Variants in CUL7 observed in about 807,000 individuals in gnomAD.
CUL7 encodes the protein cullin 7.
CUL7 carries 96 observed loss-of-function variants against 177.7 expected under a neutral mutation model. The ratio of observed to expected loss-of-function variants is 0.54; its 90% CI spans 0.46 to 0.64. CUL7 has a LOEUF of 0.64. Ranked by LOEUF, CUL7 falls within the 30% of genes least tolerant of loss-of-function variation. The pLI is 0.00. For missense variants in CUL7, 1,893 were observed against 2,187.9 expected, an observed-to-expected ratio of 0.87 and a Z score of 2.69; for synonymous variants, 824 against 890.2, an observed-to-expected ratio of 0.93 and a Z score of 1.32.
chr6:43,051,408 C>T lies in CUL7; in HGVS notation c.793G>A (p.Asp265Asn). The change falls in exon 4 of 26, where the codon GAT (aspartate) becomes AAT (asparagine). Residue 265 changes from aspartate to asparagine, a missense_variant. By Grantham distance (23) the Asp-to-Asn change is conservative. This residue lies in a region of CUL7 where 653 missense variants were observed against 725.2 expected (regional missense o/e 0.90). Coordinates refer to ENST00000265348, the MANE Select transcript of CUL7 (RefSeq NM_014780.5). The surrounding 1 kb of genome is among the most constrained non-coding windows in gnomAD (Gnocchi z 5.0). The stretch of plus-strand genomic sequence containing the variant: ...TCCGCAGCACTGTCGTTCAGCTGAT[C>T]CAGGAGCGAGGTGACATGCAAATAC... The part of the protein sequence containing the change: ...KRYLHVTSLL[D>N]QLNDSAAEPG... The T allele has an allele frequency of 3.1e-6, 5 of 1,614,126 alleles. No homozygotes were observed. Among genetic ancestry groups the T allele is most frequent in the Non-Finnish European group, 4.2e-6 (5 of 1,180,024 alleles).
chr6:43,044,958 A>G, intron 15 of CUL7, 73 bp from the exon 16 acceptor site: 1 of 1,585,760 alleles, frequency 6.3e-7, no homozygotes, highest in South Asian at 1.1e-5. Flanking sequence ...ACCCTTCCTA[A>G]GACTGCCAGC....
At position 43,051,279 on chromosome 6, in the gene CUL7, C is replaced by T. The variant is rs1064795325; in HGVS notation, c.922G>A (p.Val308Met). The change falls in exon 4 of 26, where the codon GTG becomes ATG. Residue 308 changes from valine to methionine, a missense_variant. By Grantham distance (21) the Val-to-Met change is conservative. This residue lies in a region of CUL7 where 653 missense variants were observed against 725.2 expected (regional missense o/e 0.90). Coordinates refer to ENST00000265348, the MANE Select transcript of CUL7 (RefSeq NM_014780.5). This position sits in a 1 kb window ranked among gnomAD's most constrained non-coding sequence, Gnocchi z 5.0. ...GCCTGGTCCCAGCGCATGGCTTGCA[C>T]CAGCTCCGAGATCAGGGTGCCCATG... Reference protein sequence around the residue: ...MAMGTLISELVQAMRWDQASD... With the variant: ...MAMGTLISELMQAMRWDQASD... The T allele has an allele frequency of 2.5e-6, 4 of 1,611,156 alleles. No individual in the cohort carries two copies. The highest frequency in any genetic ancestry group is 2.2e-5 in the East Asian group (1 of 44,810).
At position 43,052,752 on chromosome 6, in the gene CUL7, G is replaced by A. The variant is rs1199046855; in HGVS notation, c.37C>T (p.Pro13Ser). 4 of 1,609,628 alleles carry A rather than the reference G, an allele frequency of 2.5e-6. No individual in the cohort carries two copies. The highest frequency in any genetic ancestry group is 1.1e-5 in the South Asian group (1 of 91,080). The change falls in exon 2 of 26, where the codon CCC (proline) becomes TCC (serine). Residue 13 changes from proline (P) to serine (S), a missense_variant. Coordinates refer to ENST00000265348, the MANE Select transcript of CUL7 (RefSeq NM_014780.5). The surrounding 1 kb of genome is among the most constrained non-coding windows in gnomAD (Gnocchi z 4.5). ...GELRYREFRV[P>S]LGPGLHAYPD... is the part of the protein sequence containing the mutation. ...TAGGCATGTAAGCCGGGCCCCAGGG[G>A]CACCCTGAATTCCCTGTAGCGGAGT...
intron 19 of CUL7, 140 bp from the exon 20 acceptor site, chr6:43,041,215 T>C (rs1763390171): frequency 2.7e-6 from 2 of 742,352 alleles, no homozygotes; most frequent in Non-Finnish European, 4.8e-6. Context: ...AACTATTTTA[T>C]AAGATCATTA....
chr6:43,043,206 G>C lies in CUL7; in HGVS notation c.3356-26C>G. 1 of 1,580,964 alleles carries C rather than the reference G, an allele frequency of 6.3e-7. No individual in the cohort carries two copies. The highest frequency in any genetic ancestry group is 8.7e-7 in the Non-Finnish European group (1 of 1,151,366). On this transcript the variant is annotated intron_variant, in intron 17 of 25. Transcript: ENST00000265348. The surrounding 1 kb of genome is among the most constrained non-coding windows in gnomAD (Gnocchi z 4.2). ...CTGTAGAGACCAAGAAAGTGGCAGAGGCAAGGAGGGTGCAGCCCCTCCACT... is the reference window on the plus strand; with the variant it reads ...CTGTAGAGACCAAGAAAGTGGCAGACGCAAGGAGGGTGCAGCCCCTCCACT...
At position 43,045,768 on chromosome 6, in the gene CUL7, C is replaced by T; in HGVS notation, c.2767-86G>A. On this transcript the variant is annotated intron_variant, in intron 13 of 25. Coordinates refer to ENST00000265348, the MANE Select transcript of CUL7 (RefSeq NM_014780.5). The surrounding 1 kb of genome is among the most constrained non-coding windows in gnomAD (Gnocchi z 4.8). ...TCCAGTCCCCTCACTGTTTCCCTCC[C>T]TTCCCCAGCCCTGGGATGTGTAGGG... The T allele has an allele frequency of 2.1e-6, 3 of 1,452,966 alleles. No homozygotes were observed. Among genetic ancestry groups the T allele is most frequent in the Admixed American group, 1.7e-5 (1 of 57,282 alleles). The allele number at this position is 1,452,966 out of a possible 1,614,324, so 90.0% of individuals were successfully genotyped here. A position where few individuals can be genotyped will look rare whatever the true frequency, so the allele number is the denominator to read the frequency against.
rs28666838 is a variant in CUL7, at chr6:43,050,420, A to G, written c.1234-22T>C. Reference sequence around the variant, plus strand: ...ATACCTGGAGCATAGGGAAAGAAAGAGGGAAGGGGAAGGGAGGACTCACAA... The same window carrying G: ...ATACCTGGAGCATAGGGAAAGAAAGGGGGAAGGGGAAGGGAGGACTCACAA... On this transcript the variant is annotated intron_variant, in intron 4 of 25. Transcript: ENST00000265348. This position sits in a 1 kb window ranked among gnomAD's most constrained non-coding sequence, Gnocchi z 4.1. 6.2e-7 allele frequency: 1 copy of G among 1,613,730 alleles called. No individual in the cohort carries two copies. Among genetic ancestry groups the G allele is most frequent in the Non-Finnish European group, 8.5e-7 (1 of 1,179,934 alleles).
chr6:43,038,095 G>A, intron 25 of CUL7, 84 bp from the exon 26 acceptor site: 1 of 1,518,502 alleles, frequency 6.6e-7, no homozygotes, highest in Non-Finnish European at 8.9e-7. Context: ...ACCACCAGCT[G>A]CTAGGACAGG....
At position 43,040,031 on chromosome 6, in the gene CUL7, G is replaced by A. The variant is rs1352607063; in HGVS notation, c.4294+125C>T. On this transcript the variant is annotated intron_variant, in intron 22 of 25. Transcript: ENST00000265348. The surrounding 1 kb of genome is among the most constrained non-coding windows in gnomAD (Gnocchi z 4.2). Reference sequence around the variant, plus strand: ...CTGGGATTACAGGCGTGAGCACTGTGCCCAGCCAAAGACTATCTCTTTTTA... The same window carrying A: ...CTGGGATTACAGGCGTGAGCACTGTACCCAGCCAAAGACTATCTCTTTTTA... 20 of 1,195,146 alleles carry A rather than the reference G, an allele frequency of 1.7e-5. No homozygotes were observed. The highest frequency in any genetic ancestry group is 2.4e-5 in the Non-Finnish European group (19 of 805,820). 74.0% of individuals were successfully genotyped at this position (1,195,146 alleles called of 1,614,324 possible). A position where few individuals can be genotyped will look rare whatever the true frequency, so the allele number is the denominator to read the frequency against.
In CUL7 at chr6:43,046,889, G is replaced by A; in HGVS notation, c.2388C>T (p.Gly796=). The A allele has an allele frequency of 1.3e-6, 2 of 1,594,568 alleles. No individual in the cohort carries two copies. ...YRKLITNILG[G]CIQMVLGQIE... The stretch of plus-strand genomic sequence containing the variant: ...TCCCCTTCCTCCTGACCTGGATGCA[G>A]CCTCCCAGGATGTTGGTGATGAGTT... Residue 796 remains glycine, a synonymous_variant, in exon 10 of 26, where the codon GGC becomes GGT. Coordinates refer to ENST00000265348, the MANE Select transcript of CUL7 (RefSeq NM_014780.5).
intron 10 of CUL7, 65 bp downstream of exon 10, chr6:43,046,815 C>T: frequency 8.1e-7 from 1 of 1,237,274 alleles, no homozygotes; most frequent in African/African-American, 1.5e-5. Flanking sequence ...CAGCCCTTAC[C>T]CGCCACTGCT....
rs2150310910 is a variant in CUL7, at chr6:43,040,903, G to A, written c.3806+12C>T. 8.1e-6 allele frequency: 13 copies of A among 1,612,850 alleles called. No homozygotes were observed. The highest frequency in any genetic ancestry group is 1.1e-5 in the Non-Finnish European group (13 of 1,179,410). On this transcript the variant is annotated intron_variant, in intron 20 of 25. Transcript: ENST00000265348. This position sits in a 1 kb window ranked among gnomAD's most constrained non-coding sequence, Gnocchi z 4.2. ...CCTCCCGCCAGCTCCCGCTCCTTAG[G>A]TCCACACTCACTGGTAATAATGCTC...
In CUL7 at chr6:43,053,546, G is replaced by T; in HGVS notation, c.-9+76C>A. 6 of 1,049,882 alleles carry T rather than the reference G, an allele frequency of 5.7e-6. No individual in the cohort carries two copies. The highest frequency in any genetic ancestry group is 7.6e-6 in the Non-Finnish European group (6 of 786,814). The allele number at this position is 1,049,882 out of a possible 1,614,324, so 65.0% of individuals were successfully genotyped here. A position where few individuals can be genotyped will look rare whatever the true frequency, so the allele number is the denominator to read the frequency against. The stretch of plus-strand genomic sequence containing the variant: ...GAGGCACGGTAGGATGGGGACCGAG[G>T]TTGGGTGAGCGCGAGGCTCGATGGG... On this transcript the variant is annotated intron_variant, in intron 1 of 25. Coordinates refer to ENST00000265348, the MANE Select transcript of CUL7 (RefSeq NM_014780.5). The surrounding 1 kb of genome is among the most constrained non-coding windows in gnomAD (Gnocchi z 4.1).
chr6:43,044,639 G>A (rs1237865898), intron 16 of CUL7, 113 bp downstream of exon 16: 1 of 1,430,104 alleles, frequency 7.0e-7, no homozygotes, highest in East Asian at 2.3e-5. Flanking sequence ...TACAAATGCA[G>A]GTGCCAAAAG....
rs200898057 is a variant in CUL7, at chr6:43,040,734, C to A, written c.3819G>T (p.Ala1273=). The part of the protein sequence containing the change: ...TFEHYYQHYM[A]DRLLGVVSSW... ...TCGAGACCACGCCCAGGAGACGGTCCGCCATGTAGTGCCTGCAGTGCATGC... is the reference window on the plus strand; with the variant it reads ...TCGAGACCACGCCCAGGAGACGGTCAGCCATGTAGTGCCTGCAGTGCATGC... Residue 1273 remains alanine (A), a synonymous_variant, in exon 21 of 26, where the codon GCG becomes GCT. Transcript: ENST00000265348. The surrounding 1 kb of genome is among the most constrained non-coding windows in gnomAD (Gnocchi z 4.2). The A allele has an allele frequency of 6.2e-7, 1 of 1,614,100 alleles. No homozygotes were observed. The highest frequency in any genetic ancestry group is 2.2e-5 in the East Asian group (1 of 44,876).
At position 43,050,450 on chromosome 6, in the gene CUL7, C is replaced by G; in HGVS notation, c.1234-52G>C. The G allele has an allele frequency of 6.2e-7, 1 of 1,610,362 alleles. No individual in the cohort carries two copies. The highest frequency in any genetic ancestry group is 8.5e-7 in the Non-Finnish European group (1 of 1,178,454). On this transcript the variant is annotated intron_variant, in intron 4 of 25. Transcript: ENST00000265348. The surrounding 1 kb of genome is among the most constrained non-coding windows in gnomAD (Gnocchi z 4.1). ...AGGGGAAGGGAGGACTCACAAATGA[C>G]TGGCTGTGGCCCAGTACTGAGGACT...
At position 43,046,260 on chromosome 6, in the gene CUL7, T is replaced by C. The variant is rs370670484; in HGVS notation, c.2636A>G (p.His879Arg). The C allele has an allele frequency of 1.3e-5, 21 of 1,614,104 alleles. No individual in the cohort carries two copies. The African/African-American group carries it at 2.3e-4, about 17-fold the overall frequency. Residue 879 changes from histidine (H) to arginine (R), a missense_variant, in exon 12 of 26, where the codon CAC (histidine) becomes CGC (arginine). His to Arg is a conservative substitution (Grantham distance 29). Transcript: ENST00000265348. ...CCTGATGAGGATGCCCCGGCGCATG[T>C]GCAGGGTGATGTAGTGGGAGCCGGC... ...GSAGSHYITL[H>R]MRRGILIRQL... is the part of the protein sequence containing the mutation.
rs771343542 is a variant in CUL7 at position 43,044,807 on chromosome 6, G to A, written c.3117C>T (p.Gly1039=). The change falls in exon 16 of 26, where the codon GGC becomes GGT. Residue 1039 remains glycine (G), a synonymous_variant. Coordinates refer to ENST00000265348, the MANE Select transcript of CUL7 (RefSeq NM_014780.5). ...LPDDEAAQAL[G]KTCWEALVSP... ...TGACCAGGGCCTCCCAGCAGGTCTT[G>A]CCCAGAGCTTGGGCAGCCTCGTCAT... 2.7e-5 allele frequency: 43 copies of A among 1,613,936 alleles called. No individual in the cohort carries two copies. The highest frequency in any genetic ancestry group is 3.3e-5 in the Non-Finnish European group (39 of 1,179,816).
chr6:43,043,054 G>A lies in CUL7; in HGVS notation c.3462+20C>T, dbSNP rs368266491. On this transcript the variant is annotated intron_variant, in intron 18 of 25. Transcript: ENST00000265348. This position sits in a 1 kb window ranked among gnomAD's most constrained non-coding sequence, Gnocchi z 4.2. ...ACCATTATGGTGTCCCCTCTCTCCC[G>A]CAGGCCTGCTCCTGCCCACCTGCTT... 1.7e-5 allele frequency: 27 copies of A among 1,612,992 alleles called. No individual in the cohort carries two copies. Among genetic ancestry groups the A allele is most frequent in the East Asian group, 6.7e-5 (3 of 44,894 alleles).
Sources: gnomAD v4.1 joint callset for allele counts on GRCh38, gnomAD v4.1.1 for gene constraint, gnomAD v4.1.1 regional missense constraint, Gnocchi (gnomAD v3.1) non-coding constraint, MANE v1.5 for transcripts, NCBI Gene and HGNC (gene_info 2026-07-23, HGNC 2026-07-21) for gene names.